The following CNOT1 variants were observed in gnomAD, a reference collection of about 807,000 sequenced individuals.
CNOT1 encodes the protein CCR4-associated factor 1.
CNOT1 carries 15 observed loss-of-function variants against 273.8 expected under a neutral mutation model. The observed-to-expected ratio is 0.05, with a 90% CI of 0.04 to 0.08. CNOT1 has a LOEUF of 0.08. CNOT1 is among the 10% of genes least tolerant of loss of function. The pLI is 1.00. For synonymous variants in CNOT1, 1,022 were observed against 1,005.5 expected (o/e 1.02, Z -0.31); for missense variants, 1,644 against 2,912.2 (o/e 0.56, Z 10.02).
intron 2 of CNOT1, among the ~76,000 whole-genome samples, chr16:58,591,407 T>A (rs1175708429): frequency 6.6e-6 from 1 of 152,298 alleles, no homozygotes; most frequent in East Asian, 1.9e-4. Flanking sequence ...CCCATGCAGA[T>A]TATACAATAA....
intron 39 of CNOT1, among the ~76,000 whole-genome samples, chr16:58,534,610 G>A (rs1158109568): frequency 2.0e-5 from 3 of 152,174 alleles, no homozygotes; most frequent in Non-Finnish European, 4.4e-5. Context: ...GAACAGGGAA[G>A]ATGGAAACTG....
At chr16:58,557,264 A>G (rs1371442641) in intron 18 of CNOT1, among the ~76,000 whole-genome samples, 1 of 152,190 alleles carries the variant, frequency 6.6e-6, no homozygotes, top group Non-Finnish European at 1.5e-5. Context: ...ATACATTCTC[A>G]AAGCACATAC....
chr16:58,546,835 GT>G, intron 27 of CNOT1, 86 bp from the exon 28 acceptor site: 1 of 1,503,136 alleles, frequency 6.7e-7, no homozygotes, highest in South Asian at 1.2e-5. Context: ...ACATAAGGGG[GT>G]AGGGGGGAGT....
At chr16:58,587,303 T>C in intron 5 of CNOT1, 42 bp downstream of exon 5, 1 of 1,613,544 alleles carries the variant, frequency 6.2e-7, no homozygotes, top group Non-Finnish European at 8.5e-7. Flanking sequence ...TGGCTGTTTT[T>C]AATTCTAGTT....
chr16:58,619,803 C>T (rs1489186730), intron 1 of CNOT1, among the ~76,000 whole-genome samples: 1 of 152,010 alleles, frequency 6.6e-6, no homozygotes, highest in Non-Finnish European at 1.5e-5. Flanking sequence ...GGGAAAAAAA[C>T]CTTATTTGCT....
chr16:58,572,699 G>A (rs1597484873), intron 16 of CNOT1, among the ~76,000 whole-genome samples: 1 of 152,046 alleles, frequency 6.6e-6, no homozygotes, highest in Non-Finnish European at 1.5e-5. Context: ...CTTGAGGTCA[G>A]GAGTTCGAGA....
At chr16:58,567,043 A>G (rs989421207) in intron 16 of CNOT1, among the ~76,000 whole-genome samples, 5 of 152,088 alleles carry the variant, frequency 3.3e-5, no homozygotes, top group African/African-American at 1.2e-4. Flanking sequence ...AGGACCACCT[A>G]CTCACAAGGC....
intron 19 of CNOT1, among the ~76,000 whole-genome samples, chr16:58,556,180 T>C (rs967628656): frequency 6.6e-6 from 1 of 152,226 alleles, no homozygotes; most frequent in African/African-American, 2.4e-5. Flanking sequence ...CATAACGCAC[T>C]TACCCTTAAT....
intron 16 of CNOT1, among the ~76,000 whole-genome samples, chr16:58,572,986 C>T (rs932689682): frequency 6.7e-6 from 1 of 148,498 alleles, no homozygotes; most frequent in Non-Finnish European, 1.5e-5. Flanking sequence ...ACAAGATGTA[C>T]ACTGAAAATG....
intron 1 of CNOT1, among the ~76,000 whole-genome samples, chr16:58,610,148 C>T (rs987615939): frequency 2.0e-5 from 3 of 152,150 alleles, no homozygotes; most frequent in Non-Finnish European, 1.5e-5. Context: ...CTGGGCAAGG[C>T]GGCTCATGCC....
intron 30 of CNOT1, among the ~76,000 whole-genome samples, chr16:58,545,049 T>G (rs536624672): frequency 6.6e-6 from 1 of 152,224 alleles, no homozygotes; most frequent in African/African-American, 2.4e-5. Context: ...TAAAAAGCTA[T>G]GATATACATT....
intron 47 of CNOT1, among the ~76,000 whole-genome samples, chr16:58,522,022 G>A (rs1327240564): frequency 6.6e-6 from 1 of 150,638 alleles, no homozygotes; most frequent in Non-Finnish European, 1.5e-5. Context: ...TAAGAATTAA[G>A]TATTCTAACA....
chr16:58,523,261 AACC>A, intron 47 of CNOT1, 106 bp downstream of exon 47: 3 of 1,276,020 alleles, frequency 2.4e-6, no homozygotes, highest in Non-Finnish European at 3.2e-6. Context: ...ACAAAAAAAA[AACC>A]AACCAAACGG....
rs767499180 is a variant in CNOT1 at position 58,549,713 on chromosome 16, T to G, written c.3522+6A>C. On this transcript the variant is annotated splice_donor_region_variant and intron_variant, in intron 25 of 48. Transcript: ENST00000317147. ...AATTAAAGGAAATATAAGAACCAAC[T>G]CTTACTTTAATGTTTCTGTAGGTCT... 6 of 1,591,288 alleles carry G rather than the reference T, an allele frequency of 3.8e-6. No individual in the cohort carries two copies. Among genetic ancestry groups the G allele is most frequent in the Non-Finnish European group, 4.3e-6 (5 of 1,173,208 alleles).
chr16:58,522,054 TCA>T (rs971412493), intron 47 of CNOT1, among the ~76,000 whole-genome samples: 2 of 151,472 alleles, frequency 1.3e-5, no homozygotes, highest in Non-Finnish European at 2.9e-5. Flanking sequence ...GCACAGTGAC[TCA>T]CGCCTGTAAT....
rs138773899 is a variant in CNOT1, at chr16:58,554,414, T to C, written c.2892-554A>G. Among the ~76,000 whole-genome samples, 17 of 152,328 alleles carry C rather than the reference T, an allele frequency of 1.1e-4. 1 individual carries two copies. Among genetic ancestry groups the C allele is most frequent in the African/African-American group, 4.1e-4 (17 of 41,568 alleles). On this transcript the variant is annotated intron_variant, in intron 21 of 48. Coordinates refer to ENST00000317147, the MANE Select transcript of CNOT1 (RefSeq NM_016284.5). ...TGCATCAGCCAGGCATGGTAGTTTA[T>C]GCCTATAATCCCATCACTGTGGGAG...
intron 12 of CNOT1, 123 bp downstream of exon 12, chr16:58,580,506 ATAAG>A (rs2041620255): frequency 1.5e-6 from 2 of 1,369,596 alleles, no homozygotes; most frequent in African/African-American, 3.0e-5. Flanking sequence ...AATACTTAAG[ATAAG>A]TAAGGTCACT....
At chr16:58,622,037 G>A (rs1567450987) in intron 1 of CNOT1, among the ~76,000 whole-genome samples, 3 of 150,494 alleles carry the variant, frequency 2.0e-5, no homozygotes, top group Non-Finnish European at 3.0e-5. Flanking sequence ...TACAGGCTGG[G>A]CTCGGTGGCT....
intron 16 of CNOT1, among the ~76,000 whole-genome samples, chr16:58,571,620 T>TA (rs1183896736): frequency 1.3e-5 from 2 of 151,794 alleles, no homozygotes; most frequent in African/African-American, 2.4e-5. Context: ...CACATGTACT[T>TA]AAAAACAAAG....
Sources: allele counts gnomAD v4.1 joint callset (sites outside exome capture counted in the v4.1 genomes callset), GRCh38; gene constraint gnomAD v4.1.1; transcripts MANE v1.5; gene names NCBI Gene and HGNC (gene_info 2026-07-23, HGNC 2026-07-21).